Variants in ZNF827 observed in about 807,000 individuals in gnomAD.
ZNF827 encodes zinc finger protein 827.
Under a neutral mutation model 102.4 loss-of-function variants are expected in ZNF827, and 13 were observed. The observed-to-expected ratio is 0.13, with a 90% CI of 0.08 to 0.20. The LOEUF is 0.20. Among genes scored for constraint, ZNF827 ranks in the 10% least tolerant of loss-of-function variants. The pLI is 1.00. For missense variants in ZNF827, 1,103 were observed against 1,344.4 expected (o/e 0.82, Z 2.81); for synonymous variants, 523 against 536.2 (o/e 0.98, Z 0.34).
chr4:145,937,549 C>T (rs1383936496), intron 1 of ZNF827, among the ~76,000 whole-genome samples: 3 of 147,168 alleles, frequency 2.0e-5, no homozygotes, highest in Admixed American at 6.7e-5. Context: ...CCCGGCCTCG[C>T]CCCCCGCCCG....
intron 11 of ZNF827, among the ~76,000 whole-genome samples, chr4:145,769,791 A>T (rs1451143706): frequency 1.3e-5 from 2 of 152,228 alleles, no homozygotes; most frequent in African/African-American, 4.8e-5. Flanking sequence ...ACACATTAGG[A>T]CAACCAGCTG....
At chr4:145,776,015 A>G in intron 9 of ZNF827, 55 bp from the exon 10 acceptor site, 1 of 1,599,268 alleles carries the variant, frequency 6.3e-7, no homozygotes, top group Non-Finnish European at 8.6e-7. Flanking sequence ...AGGAAGTCCC[A>G]ACACCTTGCA....
At chr4:145,850,847 A>G (rs1405077736) in intron 5 of ZNF827, among the ~76,000 whole-genome samples, 1 of 152,232 alleles carries the variant, frequency 6.6e-6, no homozygotes, top group East Asian at 1.9e-4. Flanking sequence ...AGAAACATCT[A>G]CATCCTAATC....
intron 1 of ZNF827, among the ~76,000 whole-genome samples, chr4:145,914,761 T>C (rs1752553457): frequency 6.6e-6 from 1 of 152,238 alleles, no homozygotes; most frequent in Non-Finnish European, 1.5e-5. Context: ...TAATTCTCTT[T>C]GAAGAATCCT....
intron 1 of ZNF827, among the ~76,000 whole-genome samples, chr4:145,905,005 G>C (rs569708519): frequency 6.6e-6 from 1 of 152,220 alleles, no homozygotes; most frequent in Non-Finnish European, 1.5e-5. Flanking sequence ...ACTGCAAGGC[G>C]TGAGAAGTGA....
chr4:145,920,726 G>C (rs78516273), intron 1 of ZNF827, among the ~76,000 whole-genome samples: 1,707 of 152,290 alleles, frequency 0.011, 29 homozygotes, highest in African/African-American at 0.036. Flanking sequence ...TCATTCAGCA[G>C]TGTTTATGAA....
At position 145,761,331 on chromosome 4, in the gene ZNF827, G is replaced by A. The variant is rs944271807; in HGVS notation, c.*285C>T. Reference sequence around the variant, plus strand: ...TGAGATTGTCCTTGCGCTTGCAGCTGTAGCTGCACTGGTCACAGTGGAAGG... The same window carrying A: ...TGAGATTGTCCTTGCGCTTGCAGCTATAGCTGCACTGGTCACAGTGGAAGG... On this transcript the variant is annotated 3_prime_UTR_variant, in exon 15 of 15. Coordinates refer to ENST00000508784, the MANE Select transcript of ZNF827 (RefSeq NM_001306215.2). This position sits in a 1 kb window ranked among gnomAD's most constrained non-coding sequence, Gnocchi z 6.8. 40 of 1,289,852 alleles carry A rather than the reference G, an allele frequency of 3.1e-5. No individual in the cohort carries two copies. In the African/African-American group the frequency reaches 5.8e-4, roughly 19 times the overall value. The allele number at this position is 1,289,852 out of a possible 1,614,324, so 79.9% of individuals were successfully genotyped here.
In ZNF827 at chr4:145,818,323, G is replaced by A. The variant is rs149795883; in HGVS notation, c.2383+5099C>T. ...CTGTGCTGCCCCTCCTCAACTGTAT[G>A]ACTTTGAACAAGTTATTAAATCTCT... On this transcript the variant is annotated intron_variant, in intron 8 of 14. Transcript: ENST00000508784. Among the ~76,000 whole-genome samples the A allele has an allele frequency of 7.2e-5, 11 of 152,288 alleles. No homozygotes were observed. In the East Asian group the frequency reaches 2.1e-3, roughly 29 times the overall value.
At chr4:145,927,304 G>A (rs1438361701) in intron 1 of ZNF827, among the ~76,000 whole-genome samples, 2 of 152,200 alleles carry the variant, frequency 1.3e-5, no homozygotes, top group Non-Finnish European at 2.9e-5. Context: ...ACTATTCTCT[G>A]CTTAGTCCCT....
At chr4:145,932,925 A>G (rs556107594) in intron 1 of ZNF827, among the ~76,000 whole-genome samples, 77 of 152,238 alleles carry the variant, frequency 5.1e-4, no homozygotes, top group African/African-American at 1.8e-3. Context: ...AACTCTCCTA[A>G]TAGAGGCCAT....
chr4:145,913,949 G>A (rs2126935614), intron 1 of ZNF827, among the ~76,000 whole-genome samples: 1 of 152,056 alleles, frequency 6.6e-6, no homozygotes, highest in African/African-American at 2.4e-5. Flanking sequence ...ACCCCCAATA[G>A]CCCTAACCAT....
At chr4:145,875,374 T>C (rs1749070291) in intron 4 of ZNF827, among the ~76,000 whole-genome samples, 1 of 152,188 alleles carries the variant, frequency 6.6e-6, no homozygotes. Context: ...TCAGAGTTTC[T>C]CACTGGAAAT....
At chr4:145,910,677 C>A (rs977231405) in intron 1 of ZNF827, among the ~76,000 whole-genome samples, 1 of 152,210 alleles carries the variant, frequency 6.6e-6, no homozygotes, top group Non-Finnish European at 1.5e-5. Flanking sequence ...AGTTCTCAAA[C>A]TTCCACAATG....
chr4:145,828,449 A>T (rs765771748), intron 7 of ZNF827, among the ~76,000 whole-genome samples: 22 of 152,204 alleles, frequency 1.4e-4, no homozygotes, highest in Admixed American at 2.6e-4. Flanking sequence ...ACTCAACAAA[A>T]TCATCATCTA....
intron 5 of ZNF827, among the ~76,000 whole-genome samples, chr4:145,856,985 G>GCGCA (rs140194085): frequency 0.031 from 4,324 of 140,114 alleles, 173 homozygotes; most frequent in East Asian, 0.16. Flanking sequence ...GCACGCGCAC[G>GCGCA]CACACACACA....
At chr4:145,775,593 C>A (rs1329659113) in intron 10 of ZNF827, among the ~76,000 whole-genome samples, 196 bp downstream of exon 10, 1 of 152,120 alleles carries the variant, frequency 6.6e-6, no homozygotes, top group African/African-American at 2.4e-5. Flanking sequence ...TCAATTAATA[C>A]CACCAGGGGC....
chr4:145,821,406 TCTC>T (rs1468345366), intron 8 of ZNF827, among the ~76,000 whole-genome samples: 1 of 152,182 alleles, frequency 6.6e-6, no homozygotes, highest in Non-Finnish European at 1.5e-5. Flanking sequence ...TTCAGGCTGT[TCTC>T]CTCCACAATT....
At chr4:145,799,231 T>C (rs538465243) in intron 8 of ZNF827, among the ~76,000 whole-genome samples, 1 of 152,354 alleles carries the variant, frequency 6.6e-6, no homozygotes, top group East Asian at 1.9e-4. Context: ...GTGTGCTGAA[T>C]AAGTTAAGGC....
chr4:145,864,828 T>C (rs1748040477), intron 5 of ZNF827, among the ~76,000 whole-genome samples: 1 of 152,158 alleles, frequency 6.6e-6, no homozygotes, highest in South Asian at 2.1e-4. Context: ...ACATCGTCTC[T>C]ACCACCTAAC....
Sources: gnomAD v4.1 joint callset for allele counts (sites outside exome capture counted in the v4.1 genomes callset) on GRCh38, gnomAD v4.1.1 for gene constraint, Gnocchi (gnomAD v3.1) non-coding constraint, MANE v1.5 for transcripts, NCBI Gene and HGNC (gene_info 2026-07-23, HGNC 2026-07-21) for gene names.